FHAD1: variants seen among roughly 807,000 people sequenced by gnomAD.
FHAD1 encodes the protein forkhead-associated domain-containing protein 1.
FHAD1 carries 146 observed loss-of-function variants against 191.3 expected under a neutral mutation model. The ratio of observed to expected loss-of-function variants is 0.76; its 90% CI spans 0.67 to 0.88. The LOEUF is 0.88. FHAD1 is among the 40% of genes least tolerant of loss of function. FHAD1 has a pLI of 0.00. For synonymous variants in FHAD1, 616 were observed against 672.3 expected (o/e 0.92, Z 1.29); for missense variants, 1,635 against 1,785.8 (o/e 0.92, Z 1.52).
chr1:15,273,481 A>G, intron 3 of FHAD1, among the ~76,000 whole-genome samples: 1 of 98,916 alleles, frequency 1.0e-5, no homozygotes, highest in Admixed American at 1.1e-4. Flanking sequence ...AGGGTTCCTC[A>G]TGACCTTAGC....
At position 15,374,379 on chromosome 1, in the gene FHAD1, G is replaced by A. The variant is rs1570407874; in HGVS notation, c.3448-123G>A. ...ATTCTATCTCTGCTGAAGCCCTAAT[G>A]CTATTTTTCCAAAGGTGCTAAGTGA... On this transcript the variant is annotated intron_variant, in intron 26 of 33. Transcript: ENST00000688493. 4.3e-6 allele frequency: 5 copies of A among 1,168,672 alleles called. No homozygotes were observed. In the East Asian group the frequency reaches 1.3e-4, roughly 31 times the overall value. 72.4% of individuals were successfully genotyped at this position (1,168,672 alleles called of 1,614,324 possible). A position where few individuals can be genotyped will look rare whatever the true frequency, so the allele number is the denominator to read the frequency against.
At chr1:15,337,352 G>A (rs968602990) in intron 14 of FHAD1, among the ~76,000 whole-genome samples, 2 of 152,060 alleles carry the variant, frequency 1.3e-5, no homozygotes, top group African/African-American at 4.8e-5. Flanking sequence ...CTGATGACGA[G>A]GCCACCATTC....
chr1:15,315,790 A>G (rs1304668390), intron 8 of FHAD1, among the ~76,000 whole-genome samples: 3 of 152,024 alleles, frequency 2.0e-5, no homozygotes, highest in Admixed American at 1.3e-4. Flanking sequence ...CCAGCCGGGT[A>G]TTTCCTTTTT....
intron 27 of FHAD1, 100 bp downstream of exon 27, chr1:15,374,731 T>A: frequency 6.9e-7 from 1 of 1,446,042 alleles, no homozygotes; most frequent in Non-Finnish European, 9.3e-7. Flanking sequence ...ATCTGCATCA[T>A]CCCAGAACTT....
At position 15,358,296 on chromosome 1, in the gene FHAD1, C is replaced by T. The variant is rs902052845; in HGVS notation, c.2736+13C>T. On this transcript the variant is annotated intron_variant, in intron 21 of 33. Coordinates refer to ENST00000688493, the MANE Select transcript of FHAD1 (RefSeq NM_001391957.1). Reference sequence around the variant, plus strand: ...CAAGACAAAAATGGTAAGTCGGTGCCTTCCGGGAACGGGAGAATTTTTCTC... The same window carrying T: ...CAAGACAAAAATGGTAAGTCGGTGCTTTCCGGGAACGGGAGAATTTTTCTC... 3 of 1,520,828 alleles carry T rather than the reference C, an allele frequency of 2.0e-6. No individual in the cohort carries two copies. The African/African-American group carries it at 4.2e-5, about 22-fold the overall frequency. 94.2% of individuals were successfully genotyped at this position (1,520,828 alleles called of 1,614,324 possible).
At chr1:15,384,637 G>C (rs1701687783) in intron 31 of FHAD1, 1 of 152,254 alleles carries the variant, frequency 6.6e-6, no homozygotes, top group Admixed American at 6.5e-5. Flanking sequence ...CACCGAGCGG[G>C]AGGAGGAAGG....
chr1:15,358,595 G>A (rs1477103090), intron 21 of FHAD1, among the ~76,000 whole-genome samples: 1 of 152,204 alleles, frequency 6.6e-6, no homozygotes, highest in Non-Finnish European at 1.5e-5. Flanking sequence ...TGTACACAGA[G>A]CTAGGATGCC....
chr1:15,308,478 A>T (rs1176703917), intron 6 of FHAD1, 135 bp from the exon 7 acceptor site: 4 of 1,250,268 alleles, frequency 3.2e-6, no homozygotes, highest in Non-Finnish European at 3.3e-6. Context: ...CCACTGGTTA[A>T]AACTAAAAAG....
chr1:15,352,790 T>C, intron 19 of FHAD1, 87 bp from the exon 20 acceptor site: 1 of 980,412 alleles, frequency 1.0e-6, no homozygotes. Context: ...ACTTGGTGGC[T>C]TCCACGGTGA....
intron 2 of FHAD1, among the ~76,000 whole-genome samples, chr1:15,261,188 A>G (rs1650868436): frequency 6.6e-6 from 1 of 152,200 alleles, no homozygotes; most frequent in Non-Finnish European, 1.5e-5. Flanking sequence ...TAATCCTTTC[A>G]GCAACCCTAC....
Position 15,381,468 on chromosome 1 carries a change from A to G in FHAD1, c.4022+17A>G, listed in dbSNP as rs1214203523. 6.5e-7 allele frequency: 1 copy of G among 1,542,666 alleles called. No individual in the cohort carries two copies. Among genetic ancestry groups the G allele is most frequent in the East Asian group, 2.4e-5 (1 of 40,862 alleles). On this transcript the variant is annotated intron_variant, in intron 30 of 33. Transcript: ENST00000688493. This position sits in a 1 kb window ranked among gnomAD's most constrained non-coding sequence, Gnocchi z 4.6. ...ACAGCTCAGGTACCTCGGCACCCCC[A>G]TGTCCCCACAGAAAGGCCCGGGCCT...
At chr1:15,309,252 C>G (rs1464531171) in intron 7 of FHAD1, among the ~76,000 whole-genome samples, 2 of 152,214 alleles carry the variant, frequency 1.3e-5, no homozygotes, top group East Asian at 1.9e-4. Flanking sequence ...CATGGCCCAC[C>G]CTTGCCAGGC....
At chr1:15,322,956 G>T (rs907965070) in intron 10 of FHAD1, among the ~76,000 whole-genome samples, 10 of 152,120 alleles carry the variant, frequency 6.6e-5, no homozygotes, top group Non-Finnish European at 1.5e-4. Context: ...GAGGCGAAAG[G>T]CACTTCTTAC....
At chr1:15,293,346 T>C (rs943012340) in intron 4 of FHAD1, among the ~76,000 whole-genome samples, 3 of 152,216 alleles carry the variant, frequency 2.0e-5, no homozygotes, top group African/African-American at 2.4e-5. Context: ...CATGGAATCA[T>C]GTAGTGTATG....
intron 21 of FHAD1, among the ~76,000 whole-genome samples, chr1:15,359,482 TA>T (rs1241743566): frequency 6.6e-6 from 1 of 151,830 alleles, no homozygotes; most frequent in Non-Finnish European, 1.5e-5. Flanking sequence ...AGGGGAGCCT[TA>T]GGAGGTTGTA....
Position 15,263,477 on chromosome 1 carries a change from G to C in FHAD1, c.94-8846G>C, listed in dbSNP as rs903781632. On this transcript the variant is annotated intron_variant, in intron 2 of 33. Transcript: ENST00000688493. The stretch of plus-strand genomic sequence containing the variant: ...TTTGATCCATTTTGAACTAATTTTT[G>C]TTTATGGTGTAAGTTAAGGGTCCAG... Among the ~76,000 whole-genome samples, 9 of 83,778 alleles carry C rather than the reference G, an allele frequency of 1.1e-4. No homozygotes were observed. In the East Asian group the frequency reaches 2.7e-3, roughly 25 times the overall value. The allele number at this position is 83,778 out of a possible 152,430, so 55.0% of individuals were successfully genotyped here.
intron 10 of FHAD1, among the ~76,000 whole-genome samples, chr1:15,320,948 T>C (rs905458410): frequency 6.6e-6 from 1 of 152,218 alleles, no homozygotes; most frequent in African/African-American, 2.4e-5. Flanking sequence ...TGTTTGTTTG[T>C]TTTTTGAGAC....
chr1:15,242,367 C>A (rs957363578), upstream of FHAD1, among the ~76,000 whole-genome samples: 1 of 151,930 alleles, frequency 6.6e-6, no homozygotes, highest in Non-Finnish European at 1.5e-5. Context: ...GCCTCAATTT[C>A]TCTTTCTGTA....
intron 4 of FHAD1, among the ~76,000 whole-genome samples, chr1:15,292,637 A>G (rs1007359098): frequency 2.6e-5 from 4 of 152,178 alleles, no homozygotes; most frequent in African/African-American, 9.7e-5. Context: ...CCCTAATCCA[A>G]TCTGACTGTT....
Sources: gnomAD v4.1 joint callset for allele counts (sites outside exome capture counted in the v4.1 genomes callset) on GRCh38, gnomAD v4.1.1 for gene constraint, Gnocchi (gnomAD v3.1) non-coding constraint, MANE v1.5 for transcripts, NCBI Gene and HGNC (gene_info 2026-07-23, HGNC 2026-07-21) for gene names.